UBE3C: variants seen among roughly 807,000 people sequenced by gnomAD.
UBE3C encodes the protein ubiquitin-protein ligase E3C.
A neutral mutation model predicts 129.4 loss-of-function variants in UBE3C; 42 were observed. The observed-to-expected ratio is 0.32, with a 90% CI of 0.25 to 0.42. The LOEUF (loss-of-function observed/expected upper bound fraction) is 0.42. Ranked by LOEUF, UBE3C falls within the 10% of genes least tolerant of loss-of-function variation. The probability of loss-of-function intolerance (pLI) is 1.00; values close to 1 mark genes in which losing one functional copy is unlikely to be tolerated. For missense variants in UBE3C, 1,049 were observed against 1,319.1 expected, an observed-to-expected ratio of 0.80 and a Z score of 3.17; for synonymous variants, 510 against 492.4, an observed-to-expected ratio of 1.04 and a Z score of -0.47.
At chr7:157,254,947 G>A (rs575979954) in intron 21 of UBE3C, among the ~76,000 whole-genome samples, 8 of 117,174 alleles carry the variant, frequency 6.8e-5, no homozygotes, top group East Asian at 3.0e-4. Context: ...CAGTCCCGGC[G>A]TGGTGGCGTA....
chr7:157,159,805 A>G (rs867817839), intron 1 of UBE3C, among the ~76,000 whole-genome samples: 4 of 152,216 alleles, frequency 2.6e-5, no homozygotes, highest in Non-Finnish European at 5.9e-5. Flanking sequence ...CCTGGGCCAG[A>G]GCGAGACTCT....
chr7:157,162,529 C>T (rs1380726918), intron 1 of UBE3C, among the ~76,000 whole-genome samples: 5 of 149,036 alleles, frequency 3.4e-5, no homozygotes, highest in South Asian at 4.3e-4. Flanking sequence ...TATATAGTGT[C>T]TCCAATCTTG....
intron 1 of UBE3C, among the ~76,000 whole-genome samples, chr7:157,150,534 A>G (rs1304298512): frequency 2.0e-5 from 3 of 152,240 alleles, no homozygotes; most frequent in Non-Finnish European, 2.9e-5. Context: ...ATACTGAAAA[A>G]TACTGAAACA....
At chr7:157,174,257 G>A (rs1427232133) in intron 4 of UBE3C, among the ~76,000 whole-genome samples, 1 of 152,082 alleles carries the variant, frequency 6.6e-6, no homozygotes. Context: ...AGCTACTTGG[G>A]AGGCTAAGGC....
chr7:157,250,165 G>A (rs1468174506), intron 19 of UBE3C, among the ~76,000 whole-genome samples: 1 of 152,140 alleles, frequency 6.6e-6, no homozygotes, highest in East Asian at 1.9e-4. Context: ...GCTGTGTGGG[G>A]TTGGGAGCTC....
At chr7:157,203,339 T>C (rs1405210128) in intron 11 of UBE3C, among the ~76,000 whole-genome samples, 2 of 152,240 alleles carry the variant, frequency 1.3e-5, no homozygotes, top group Non-Finnish European at 2.9e-5. Context: ...AATGATTTAC[T>C]GTCTTGAGAA....
At chr7:157,266,392 A>G (rs1797079653) in intron 22 of UBE3C, among the ~76,000 whole-genome samples, 2 of 152,214 alleles carry the variant, frequency 1.3e-5, no homozygotes, top group South Asian at 4.1e-4. Context: ...AGGTCTCATC[A>G]GATTCTAAAT....
chr7:157,172,067 C>G (rs943215724), intron 4 of UBE3C, among the ~76,000 whole-genome samples: 1 of 149,350 alleles, frequency 6.7e-6, no homozygotes, highest in Non-Finnish European at 1.5e-5. Context: ...CTTGCTCACT[C>G]TGTCGCCCAG....
At chr7:157,142,507 C>G (rs977322050) in intron 1 of UBE3C, among the ~76,000 whole-genome samples, 1 of 152,146 alleles carries the variant, frequency 6.6e-6, no homozygotes, top group Admixed American at 6.5e-5. Flanking sequence ...TTGTTTGGAG[C>G]TTAGTCCTGA....
intron 2 of UBE3C, among the ~76,000 whole-genome samples, chr7:157,167,970 A>G (rs778175823): frequency 2.0e-5 from 3 of 152,204 alleles, no homozygotes; most frequent in Non-Finnish European, 4.4e-5. Flanking sequence ...GTCAATGAAA[A>G]TTGGAATTTT....
At chr7:157,177,200 T>C (rs1286716545) in intron 5 of UBE3C, among the ~76,000 whole-genome samples, 8 of 152,146 alleles carry the variant, frequency 5.3e-5, no homozygotes, top group Admixed American at 3.9e-4. Flanking sequence ...TTCTGATGGG[T>C]GTGTAGCTGT....
rs74354973 is a variant in UBE3C, at chr7:157,226,331, G to A, written c.2233+792G>A. Among the ~76,000 whole-genome samples, 529 of 152,238 alleles carry A rather than the reference G, an allele frequency of 3.5e-3. 16 individuals are homozygous for A. In the South Asian group the frequency reaches 0.047, roughly 14 times the overall value. On this transcript the variant is annotated intron_variant, in intron 17 of 22. Coordinates refer to ENST00000348165, the MANE Select transcript of UBE3C (RefSeq NM_014671.3). ...GATAGCATTTGGAGCTCACTGGCACGTTTCGTCGTATGTTCATATTTGATA... is the reference window on the plus strand; with the variant it reads ...GATAGCATTTGGAGCTCACTGGCACATTTCGTCGTATGTTCATATTTGATA...
intron 8 of UBE3C, among the ~76,000 whole-genome samples, chr7:157,182,612 C>T (rs1311342828): frequency 1.3e-5 from 2 of 152,108 alleles, no homozygotes; most frequent in East Asian, 1.9e-4. Flanking sequence ...GGCCTGTTTC[C>T]CTCCCTCTGC....
chr7:157,204,716 G>T (rs1391624134), intron 11 of UBE3C, among the ~76,000 whole-genome samples: 2 of 152,206 alleles, frequency 1.3e-5, no homozygotes, highest in Admixed American at 6.5e-5. Context: ...TAGCCAGCTG[G>T]TACTGTTTTC....
chr7:157,220,053 G>A, intron 14 of UBE3C, among the ~76,000 whole-genome samples: 1 of 152,032 alleles, frequency 6.6e-6, no homozygotes, highest in Non-Finnish European at 1.5e-5. Context: ...TCTACAAAAA[G>A]TACAAAAATT....
intron 10 of UBE3C, among the ~76,000 whole-genome samples, chr7:157,193,492 A>G (rs1809031488): frequency 1.3e-5 from 2 of 152,184 alleles, no homozygotes; most frequent in South Asian, 4.1e-4. Flanking sequence ...GTCCCCGTGG[A>G]AAACTGGCCT....
chr7:157,163,107 C>T (rs1202330118), intron 1 of UBE3C, among the ~76,000 whole-genome samples: 14 of 151,816 alleles, frequency 9.2e-5, no homozygotes, highest in African/African-American at 2.9e-4. Flanking sequence ...CAGAGATGGC[C>T]GGGCGCGGTG....
At chr7:157,153,317 C>G (rs541799165) in intron 1 of UBE3C, among the ~76,000 whole-genome samples, 1 of 152,212 alleles carries the variant, frequency 6.6e-6, no homozygotes, top group South Asian at 2.1e-4. Context: ...TGTGAAACCC[C>G]TTTACTGCAA....
intron 10 of UBE3C, among the ~76,000 whole-genome samples, chr7:157,195,461 A>G (rs987470376): frequency 1.3e-5 from 2 of 152,258 alleles, no homozygotes; most frequent in Non-Finnish European, 2.9e-5. Flanking sequence ...AGTGAGCTGA[A>G]GATTACTCCC....
Sources: allele counts gnomAD v4.1 joint callset (sites outside exome capture counted in the v4.1 genomes callset), GRCh38; gene constraint gnomAD v4.1.1; transcripts MANE v1.5; gene names NCBI Gene and HGNC (gene_info 2026-07-23, HGNC 2026-07-21).